SPAG16: variants seen among roughly 807,000 people sequenced by gnomAD.
The protein encoded by SPAG16 is sperm-associated antigen 16 protein.
A neutral mutation model predicts 80.4 loss-of-function variants in SPAG16; 86 were observed. The observed-to-expected ratio is 1.07, with a 90% CI of 0.90 to 1.28. The LOEUF (loss-of-function observed/expected upper bound fraction) is 1.28. Among genes scored for constraint, SPAG16 ranks in the 50% most tolerant of loss-of-function variants. SPAG16 has a pLI of 0.00. For synonymous variants in SPAG16, 294 were observed against 265.9 expected (o/e 1.11, Z -1.03); for missense variants, 870 against 765.3 (o/e 1.14, Z -1.61).
intron 9 of SPAG16, among the ~76,000 whole-genome samples, chr2:213,380,205 T>C (rs554801833): frequency 6.6e-6 from 1 of 152,350 alleles, no homozygotes; most frequent in East Asian, 1.9e-4. Flanking sequence ...CCAGTTGCAC[T>C]GCTCTAAGTT....
chr2:213,502,291 A>C (rs570481046), intron 10 of SPAG16, among the ~76,000 whole-genome samples: 4 of 149,704 alleles, frequency 2.7e-5, no homozygotes, highest in Non-Finnish European at 5.9e-5. Flanking sequence ...TATTTAAAAA[A>C]TTTTTTTTTT....
chr2:213,435,907 C>G (rs1042958548), intron 9 of SPAG16, among the ~76,000 whole-genome samples: 34 of 152,254 alleles, frequency 2.2e-4, no homozygotes, highest in African/African-American at 7.5e-4. Flanking sequence ...TAATTTTGGA[C>G]AGTTAACTTA....
intron 10 of SPAG16, among the ~76,000 whole-genome samples, chr2:213,762,782 C>T (rs957258115): frequency 1.3e-5 from 2 of 151,940 alleles, no homozygotes; most frequent in African/African-American, 2.4e-5. Context: ...GATAATAAGT[C>T]GAACTACACC....
At chr2:213,670,423 T>G (rs894172162) in intron 10 of SPAG16, among the ~76,000 whole-genome samples, 5 of 151,960 alleles carry the variant, frequency 3.3e-5, no homozygotes, top group Non-Finnish European at 7.4e-5. Flanking sequence ...TATCACAAAC[T>G]TTTTTTTCTC....
intron 15 of SPAG16, among the ~76,000 whole-genome samples, chr2:214,291,478 T>C (rs2125931533): frequency 6.6e-6 from 1 of 151,238 alleles, no homozygotes; most frequent in South Asian, 2.1e-4. Context: ...GCTAATTTTT[T>C]GTATTTTTAG....
At chr2:213,981,989 T>C (rs2106419366) in intron 12 of SPAG16, among the ~76,000 whole-genome samples, 1 of 151,818 alleles carries the variant, frequency 6.6e-6, no homozygotes, top group Admixed American at 6.6e-5. Flanking sequence ...AAGGAAAGTG[T>C]AGAGCTTACA....
intron 13 of SPAG16, among the ~76,000 whole-genome samples, chr2:214,087,684 G>A (rs1326815574): frequency 1.3e-5 from 2 of 152,076 alleles, no homozygotes; most frequent in African/African-American, 2.4e-5. Flanking sequence ...TCAACAGCAG[G>A]AATTAACCAG....
intron 12 of SPAG16, among the ~76,000 whole-genome samples, chr2:214,006,321 C>T (rs1417720239): frequency 6.6e-6 from 1 of 152,140 alleles, no homozygotes; most frequent in African/African-American, 2.4e-5. Context: ...CACAAAGGAA[C>T]TCTGTGTTAA....
At chr2:213,572,820 G>T (rs2059965848) in intron 10 of SPAG16, among the ~76,000 whole-genome samples, 1 of 152,130 alleles carries the variant, frequency 6.6e-6, no homozygotes, top group African/African-American at 2.4e-5. Flanking sequence ...GGCAATGGCG[G>T]GCGCCCCTCC....
chr2:213,524,747 T>C (rs1215765292), intron 10 of SPAG16, among the ~76,000 whole-genome samples: 1 of 152,268 alleles, frequency 6.6e-6, no homozygotes, highest in Non-Finnish European at 1.5e-5. Flanking sequence ...ATTTACCTAA[T>C]GCCTGTACTC....
chr2:214,332,023 G>T (rs1378713113), intron 15 of SPAG16, among the ~76,000 whole-genome samples: 2 of 152,186 alleles, frequency 1.3e-5, no homozygotes, highest in African/African-American at 4.8e-5. Context: ...AGGCTGAGGT[G>T]GGCAGATCAC....
At chr2:213,881,840 T>G (rs1025413368) in intron 11 of SPAG16, among the ~76,000 whole-genome samples, 1 of 152,208 alleles carries the variant, frequency 6.6e-6, no homozygotes, top group African/African-American at 2.4e-5. Flanking sequence ...TGCCTTTTAT[T>G]TCTTTCTCTT....
chr2:213,286,267 C>G (rs972078798), intron 1 of SPAG16, among the ~76,000 whole-genome samples: 1 of 152,114 alleles, frequency 6.6e-6, no homozygotes, highest in Non-Finnish European at 1.5e-5. Flanking sequence ...TGCTTTTCTT[C>G]TTTCTTTGGT....
chr2:213,809,853 A>G (rs187844163), intron 10 of SPAG16, among the ~76,000 whole-genome samples: 81 of 152,294 alleles, frequency 5.3e-4, no homozygotes, highest in African/African-American at 1.7e-3. Context: ...TCTAGAAATC[A>G]GGTGGGAGGC....
At chr2:213,613,117 C>T (rs1403084774) in intron 10 of SPAG16, among the ~76,000 whole-genome samples, 1 of 152,166 alleles carries the variant, frequency 6.6e-6, no homozygotes, top group Non-Finnish European at 1.5e-5. Flanking sequence ...TTTTTAACCA[C>T]TTATAGTCCA....
At chr2:213,767,655 T>TCACACACACA (rs3220937) in intron 10 of SPAG16, among the ~76,000 whole-genome samples, 4,994 of 147,678 alleles carry the variant, frequency 0.034, 110 homozygotes, top group South Asian at 0.061. Context: ...ACAACATACT[T>TCACACACACA]CACACACACA....
chr2:214,107,538 T>C (rs1030084064), intron 13 of SPAG16, among the ~76,000 whole-genome samples: 5 of 152,132 alleles, frequency 3.3e-5, no homozygotes, highest in Non-Finnish European at 7.4e-5. Context: ...TTATAATGTG[T>C]TATAGGTCCA....
intron 15 of SPAG16, among the ~76,000 whole-genome samples, chr2:214,252,491 T>C (rs374081876): frequency 5.0e-5 from 7 of 140,324 alleles, no homozygotes; most frequent in African/African-American, 1.9e-4. Context: ...TTCCCCTCCC[T>C]GTGTCCATGT....
chr2:213,597,733 A>G (rs2060931080), intron 10 of SPAG16, among the ~76,000 whole-genome samples: 1 of 152,182 alleles, frequency 6.6e-6, no homozygotes, highest in South Asian at 2.1e-4. Context: ...ATTTTGCAAA[A>G]AGCTTGAAGG....
Sources: gnomAD v4.1 joint callset for allele counts (sites outside exome capture counted in the v4.1 genomes callset) on GRCh38, gnomAD v4.1.1 for gene constraint, MANE v1.5 for transcripts, NCBI Gene and HGNC (gene_info 2026-07-23, HGNC 2026-07-21) for gene names.